Variants in ZNF585B observed in about 807,000 individuals in gnomAD.
ZNF585B encodes zinc finger protein 41-like protein.
In ZNF585B, 7 loss-of-function variants were observed where a neutral mutation model predicts 14.0. That is an observed-to-expected ratio of 0.50 (90% CI 0.28 to 0.94). ZNF585B has a LOEUF of 0.94. Among genes scored for constraint, ZNF585B ranks in the 40% least tolerant of loss-of-function variants. ZNF585B has a pLI of 0.09. For missense variants in ZNF585B, 750 were observed against 924.4 expected (o/e 0.81, Z 2.45); for synonymous variants, 290 against 317.3 (o/e 0.91, Z 0.91).
At position 37,184,754 on chromosome 19, in the gene ZNF585B, C is replaced by T. The variant is rs1972313035; in HGVS notation, c.*473G>A. 2.7e-6 allele frequency: 1 copy of T among 373,610 alleles called. No individual in the cohort carries two copies. The highest frequency in any genetic ancestry group is 3.9e-5 in the East Asian group (1 of 25,332). The allele number at this position is 373,610 out of a possible 1,614,324, so 23.1% of individuals were successfully genotyped here. Reference sequence around the variant, plus strand: ...TGGATATGCACAACTGTGTTCGATTCAAAAGAAGAAAATACCCACAATTCT... The same window carrying T: ...TGGATATGCACAACTGTGTTCGATTTAAAAGAAGAAAATACCCACAATTCT... On this transcript the variant is annotated 3_prime_UTR_variant, in exon 5 of 5. Transcript: ENST00000532828.
In ZNF585B at chr19:37,189,656, C is replaced by T; in HGVS notation, c.292+5G>A. ...CCTGAGTCACATTCACCTCACTTCA[C>T]TCACCTGGGCAGCTGTGACGTGGCC... On this transcript the variant is annotated splice_donor_5th_base_variant and intron_variant, in intron 4 of 4. Coordinates refer to ENST00000532828, the MANE Select transcript of ZNF585B (RefSeq NM_152279.4). 6.2e-7 allele frequency: 1 copy of T among 1,612,684 alleles called. No individual in the cohort carries two copies. The highest frequency in any genetic ancestry group is 1.1e-5 in the South Asian group (1 of 91,020).
At chr19:37,196,268 C>T (rs535577026) in intron 2 of ZNF585B, among the ~76,000 whole-genome samples, 1 of 152,256 alleles carries the variant, frequency 6.6e-6, no homozygotes, top group African/African-American at 2.4e-5. Flanking sequence ...TCGTGTACTA[C>T]AATAACTGAA....
chr19:37,193,816 C>T (rs975219049), intron 2 of ZNF585B, among the ~76,000 whole-genome samples: 13 of 152,040 alleles, frequency 8.6e-5, no homozygotes, highest in East Asian at 1.9e-4. Flanking sequence ...AAGAGACTTA[C>T]GAATCATACT....
Position 37,184,494 on chromosome 19 carries a change from A to AAG in ZNF585B, c.*731_*732dup, listed in dbSNP as rs747722587. The AAG allele has an allele frequency of 1.3e-4, 14 of 103,908 alleles. No individual in the cohort carries two copies. The Admixed American group carries it at 1.4e-3, about 10-fold the overall frequency. 6.4% of individuals were successfully genotyped at this position (103,908 alleles called of 1,614,324 possible). A position where few individuals can be genotyped will look rare whatever the true frequency, so the allele number is the denominator to read the frequency against. On this transcript the variant is annotated 3_prime_UTR_variant, in exon 5 of 5. Coordinates refer to ENST00000532828, the MANE Select transcript of ZNF585B (RefSeq NM_152279.4). ...AAAGAAAGAAAGAAAGAAAGAAAGAAAGAAAGAAAGAGAAAGAAAGAAAGA... is the reference window on the plus strand; with the variant it reads ...AAAGAAAGAAAGAAAGAAAGAAAGAAAGAGAAAGAAAGAGAAAGAAAGAAAGA...
At chr19:37,188,023 G>T (rs1372067622) in intron 4 of ZNF585B, among the ~76,000 whole-genome samples, 1 of 152,096 alleles carries the variant, frequency 6.6e-6, no homozygotes, top group African/African-American at 2.4e-5. Flanking sequence ...CAAAACAGTG[G>T]CTTCTGGTGG....
chr19:37,185,555 G>A lies in ZNF585B; in HGVS notation c.1982C>T (p.Pro661Leu). The change falls in exon 5 of 5, where the codon CCC becomes CTC. Residue 661 changes from proline (P) to leucine (L), a missense_variant. By Grantham distance (98) the Pro-to-Leu change is moderately conservative. Coordinates refer to ENST00000532828, the MANE Select transcript of ZNF585B (RefSeq NM_152279.4). ...KHQKTHTGEK[P>L]YICSECGKTF... ...CTTCCCACATTCAGAACAAATGTAG[G>A]GCTTTTCTCCGGTATGAGTTTTCTG... is the stretch of plus-strand genomic sequence containing the variant. The A allele has an allele frequency of 6.2e-7, 1 of 1,613,218 alleles. No homozygotes were observed. Among genetic ancestry groups the A allele is most frequent in the South Asian group, 1.1e-5 (1 of 91,018 alleles).
intron 2 of ZNF585B, chr19:37,199,516 C>T (rs1431141475): frequency 6.7e-6 from 3 of 449,148 alleles, no homozygotes; most frequent in African/African-American, 4.0e-5. Flanking sequence ...AGAGTGAGAC[C>T]CCGTTTCAAA....
rs59685400 is a variant in ZNF585B, at chr19:37,184,428, A to AAC, written c.*798_*799insGT. On this transcript the variant is annotated 3_prime_UTR_variant, in exon 5 of 5. Coordinates refer to ENST00000532828, the MANE Select transcript of ZNF585B (RefSeq NM_152279.4). ...AGAAAGAAAGAAAGAGAAAGAAAGA[A>AAC]AAAGAAAGAAAGAAGGAAAGAAAGA... 1 of 52,436 alleles carries AAC rather than the reference A, an allele frequency of 1.9e-5. No individual in the cohort carries two copies. Among genetic ancestry groups the AAC allele is most frequent in the Non-Finnish European group, 3.6e-5 (1 of 27,726 alleles). The allele number at this position is 52,436 out of a possible 1,614,324, so 3.2% of individuals were successfully genotyped here.
chr19:37,203,801 T>C (rs575283842), intron 2 of ZNF585B, among the ~76,000 whole-genome samples: 2 of 152,272 alleles, frequency 1.3e-5, no homozygotes, highest in South Asian at 4.1e-4. Flanking sequence ...GCTAATTTTG[T>C]ATTTTTGGTG....
At position 37,198,107 on chromosome 19, in the gene ZNF585B, TG is replaced by T. The variant is rs568145758; in HGVS notation, c.73-7958del. 2.0e-5 allele frequency among the ~76,000 whole-genome samples: 3 copies of T among 152,114 alleles called. No homozygotes were observed. In the South Asian group the frequency reaches 6.2e-4, roughly 32 times the overall value. ...ATATACGAGGGTGTACACTAGGTGG[TG>T]GATAGAGAGCTTATGATTAATTGTG... On this transcript the variant is annotated intron_variant, in intron 2 of 4. Coordinates refer to ENST00000532828, the MANE Select transcript of ZNF585B (RefSeq NM_152279.4).
At chr19:37,189,903 A>G in intron 3 of ZNF585B, 121 bp downstream of exon 3, 1 of 1,559,482 alleles carries the variant, frequency 6.4e-7, no homozygotes, top group Non-Finnish European at 8.7e-7. Flanking sequence ...ACAAACAGAG[A>G]ACCCTGGAGG....
At position 37,189,716 on chromosome 19, in the gene ZNF585B, C is replaced by T; in HGVS notation, c.237G>A (p.Glu79=). Residue 79 remains glutamate (E), a synonymous_variant, in exon 4 of 5, where the codon GAG becomes GAA. Transcript: ENST00000532828. ...GCAGTGCCCATGGTTCCTTTCCTTG[C>T]TCCAACATGACCACCTCTGGTTTAG... The part of the protein sequence containing the change: ...QVPKPEVVML[E]QGKEPWALQG... The T allele has an allele frequency of 6.2e-7, 1 of 1,613,976 alleles. No homozygotes were observed. Among genetic ancestry groups the T allele is most frequent in the Non-Finnish European group, 8.5e-7 (1 of 1,180,026 alleles).
At position 37,186,972 on chromosome 19, in the gene ZNF585B, T is replaced by G. The variant is rs762518152; in HGVS notation, c.565A>C (p.Asn189His). The change falls in exon 5 of 5, where the codon AAT (asparagine) becomes CAT (histidine). Residue 189 changes from asparagine (N) to histidine (H), a missense_variant. Around this residue, in one of 2 missense-constraint regions of ZNF585B, gnomAD observed 517 missense variants for 570.3 expected, o/e 0.91. Coordinates refer to ENST00000532828, the MANE Select transcript of ZNF585B (RefSeq NM_152279.4). The part of the protein sequence containing the change: ...THMREKPYKC[N>H]ECGKSFFQVS... ...TGAAAAAAGGATTTTCCACATTCAT[T>G]GCACTTATAGGGCTTCTCTCTCATA... The G allele has an allele frequency of 1.9e-6, 3 of 1,614,150 alleles. No homozygotes were observed. The Admixed American group carries it at 5.0e-5, about 27-fold the overall frequency.
intron 2 of ZNF585B, among the ~76,000 whole-genome samples, chr19:37,192,809 CA>C (rs1416742709): frequency 1.3e-5 from 2 of 148,776 alleles, no homozygotes; most frequent in African/African-American, 2.5e-5. Context: ...GACTCCATCT[CA>C]AAAATAAATA....
chr19:37,194,841 C>A (rs552396700), intron 2 of ZNF585B, among the ~76,000 whole-genome samples: 7 of 151,998 alleles, frequency 4.6e-5, no homozygotes, highest in African/African-American at 1.7e-4. Context: ...ATAAAACCAA[C>A]CTCAACAAAT....
intron 2 of ZNF585B, among the ~76,000 whole-genome samples, chr19:37,201,322 A>G (rs939373339): frequency 4.6e-5 from 7 of 152,172 alleles, no homozygotes; most frequent in African/African-American, 1.7e-4. Context: ...ACCAAATTAC[A>G]TAGCATCAAA....
chr19:37,208,026 G>A (rs2145448274), intron 1 of ZNF585B, among the ~76,000 whole-genome samples: 1 of 152,172 alleles, frequency 6.6e-6, no homozygotes, highest in African/African-American at 2.4e-5. Flanking sequence ...AGGCTGGAGT[G>A]CAGTGACACA....
rs1489780848 is a variant in ZNF585B at position 37,184,795 on chromosome 19, C to T, written c.*432G>A. ...CCACAATTCTACTAGACAGTGTGTT[C>T]TGGAACAAACAACTCACAGAAGGAT... On this transcript the variant is annotated 3_prime_UTR_variant, in exon 5 of 5. Transcript: ENST00000532828. 14 of 403,906 alleles carry T rather than the reference C, an allele frequency of 3.5e-5. No individual in the cohort carries two copies. The highest frequency in any genetic ancestry group is 5.3e-5 in the Non-Finnish European group (12 of 228,238). 25.0% of individuals were successfully genotyped at this position (403,906 alleles called of 1,614,324 possible). A position where few individuals can be genotyped will look rare whatever the true frequency, so the allele number is the denominator to read the frequency against.
intron 2 of ZNF585B, chr19:37,199,121 C>G (rs111875739): frequency 1.3e-6 from 1 of 788,172 alleles, no homozygotes. Context: ...ACCCTACACA[C>G]ACCAAACTCC....
Sources: gnomAD v4.1 joint callset for allele counts (sites outside exome capture counted in the v4.1 genomes callset) on GRCh38, gnomAD v4.1.1 for gene constraint, gnomAD v4.1.1 regional missense constraint, MANE v1.5 for transcripts, NCBI Gene and HGNC (gene_info 2026-07-23, HGNC 2026-07-21) for gene names.